GRK7: variants seen among roughly 807,000 people sequenced by gnomAD.
GRK7 encodes the protein rhodopsin kinase GRK7.
GRK7 carries 24 observed loss-of-function variants against 34.1 expected under a neutral mutation model. The observed-to-expected ratio is 0.70, with a 90% CI of 0.51 to 0.99. GRK7 has a LOEUF of 0.99. GRK7 is among the 50% of genes least tolerant of loss of function. GRK7 has a pLI of 0.00. For synonymous variants in GRK7, 256 were observed against 279.4 expected (o/e 0.92, Z 0.84); for missense variants, 644 against 707.3 (o/e 0.91, Z 1.02).
intron 5 of GRK7, among the ~76,000 whole-genome samples, chr3:141,812,975 G>A (rs1427012974): frequency 6.6e-6 from 1 of 152,130 alleles, no homozygotes; most frequent in African/African-American, 2.4e-5. Context: ...AGACATGCAG[G>A]TCTGGGGCTC....
intron 4 of GRK7, among the ~76,000 whole-genome samples, chr3:141,804,298 A>G (rs1162286696): frequency 6.6e-6 from 1 of 152,140 alleles, no homozygotes; most frequent in Non-Finnish European, 1.5e-5. Flanking sequence ...GCAAAGGAAA[A>G]GGGAGACTGG....
At chr3:141,755,241 A>C in the GRK7 span, among the ~76,000 whole-genome samples, 2 of 152,162 alleles carry the variant, frequency 1.3e-5, no homozygotes, top group African/African-American at 4.8e-5. Context: ...GGTGGCTTAC[A>C]CCTATAATCC....
At chr3:141,789,606 C>T (rs1347516616) in intron 4 of GRK7, among the ~76,000 whole-genome samples, 1 of 139,432 alleles carries the variant, frequency 7.2e-6, no homozygotes, top group African/African-American at 2.9e-5. Flanking sequence ...AGAATGTGTT[C>T]CCCACAGGAA....
the GRK7 span, among the ~76,000 whole-genome samples, chr3:141,753,160 C>A: frequency 4.3e-4 from 65 of 152,242 alleles, no homozygotes; most frequent in Non-Finnish European, 9.0e-4. Context: ...ACTTGCTTAA[C>A]ACTGTCTCAG....
At chr3:141,801,944 C>G (rs1710973354) in intron 4 of GRK7, among the ~76,000 whole-genome samples, 1 of 152,018 alleles carries the variant, frequency 6.6e-6, no homozygotes. Context: ...AAGTTTCCCC[C>G]TATGCCCCTC....
At chr3:141,792,967 G>T (rs768649180) in intron 4 of GRK7, among the ~76,000 whole-genome samples, 3 of 152,172 alleles carry the variant, frequency 2.0e-5, no homozygotes, top group African/African-American at 4.8e-5. Flanking sequence ...AGCCAATCAC[G>T]TGGAGGCTTC....
Position 141,764,551 on chromosome 3 carries a change from C to A in GRK7, c.-1402C>A, listed in dbSNP as rs2084570884. On this transcript the variant is annotated 5_prime_UTR_variant, in exon 1 of 6. Coordinates refer to ENST00000682958, the MANE Select transcript of GRK7 (RefSeq NM_139209.3). ...GATCCACATTCTGTCTCTCCTAATA[C>A]CCCACTGCCCTCACCTCCTCAAACT... is the stretch of plus-strand genomic sequence containing the variant. Among the ~76,000 whole-genome samples, 1 of 152,160 alleles carries A rather than the reference C, an allele frequency of 6.6e-6. No homozygotes were observed. Among genetic ancestry groups the A allele is most frequent in the Admixed American group, 6.5e-5 (1 of 15,274 alleles).
At chr3:141,812,443 A>C (rs1398403567) in intron 5 of GRK7, among the ~76,000 whole-genome samples, 1 of 152,234 alleles carries the variant, frequency 6.6e-6, no homozygotes. Flanking sequence ...TGCTAATGCA[A>C]AAGATCAAAG....
chr3:141,754,432 CTT>C, the GRK7 span, among the ~76,000 whole-genome samples: 41 of 119,540 alleles, frequency 3.4e-4, no homozygotes, highest in Admixed American at 6.2e-4. Context: ...TCACCACTGT[CTT>C]TTTTTTTTTT....
chr3:141,813,234 T>C (rs1711111936), intron 5 of GRK7, among the ~76,000 whole-genome samples: 1 of 152,184 alleles, frequency 6.6e-6, no homozygotes, highest in Non-Finnish European at 1.5e-5. Flanking sequence ...CAAGAAATTC[T>C]CCTCTCTCAG....
At chr3:141,750,992 A>G in the GRK7 span, among the ~76,000 whole-genome samples, 2 of 152,092 alleles carry the variant, frequency 1.3e-5, no homozygotes, top group South Asian at 2.1e-4. Flanking sequence ...TGTGATGGCC[A>G]TGCCTGTGAA....
intron 4 of GRK7, among the ~76,000 whole-genome samples, chr3:141,785,443 G>A (rs1053191097): frequency 2.0e-5 from 3 of 152,074 alleles, no homozygotes; most frequent in Admixed American, 2.0e-4. Context: ...TCAATAGTGC[G>A]AACCCCATCT....
chr3:141,766,523 T>C (rs1470849047), intron 1 of GRK7, among the ~76,000 whole-genome samples: 2 of 151,262 alleles, frequency 1.3e-5, no homozygotes, highest in African/African-American at 4.9e-5. Context: ...CGCCACCAAA[T>C]GTGAAAAAAA....
chr3:141,780,262 C>T, intron 3 of GRK7, 112 bp from the exon 4 acceptor site: 1 of 863,216 alleles, frequency 1.2e-6, no homozygotes, highest in Non-Finnish European at 1.8e-6. Flanking sequence ...TTTACAGCTA[C>T]TCCTTTCTCC....
intron 4 of GRK7, among the ~76,000 whole-genome samples, chr3:141,799,429 A>G (rs1165984409): frequency 6.6e-6 from 1 of 152,120 alleles, no homozygotes; most frequent in Non-Finnish European, 1.5e-5. Context: ...CCTAGCTAAC[A>G]TGGTGAAACC....
chr3:141,779,581 T>C (rs1487575221), intron 3 of GRK7, among the ~76,000 whole-genome samples: 4 of 152,186 alleles, frequency 2.6e-5, no homozygotes, highest in East Asian at 1.9e-4. Context: ...TTTTAAAATG[T>C]ACAATGCAGT....
At chr3:141,800,845 T>A (rs889298843) in intron 4 of GRK7, among the ~76,000 whole-genome samples, 12 of 152,330 alleles carry the variant, frequency 7.9e-5, no homozygotes, top group Admixed American at 2.6e-4. Context: ...ATGTTTTATA[T>A]CTTGTTTGGG....
chr3:141,760,902 T>C (rs2084552972), upstream of GRK7, among the ~76,000 whole-genome samples: 1 of 34,950 alleles, frequency 2.9e-5, no homozygotes, highest in South Asian at 1.2e-3. Flanking sequence ...TCTTTGTTGG[T>C]TTAAAGTCTG....
chr3:141,777,322 C>CTTTTTTTT lies in GRK7; in HGVS notation c.-113-837_-113-830dup, dbSNP rs770173065. 1.8e-3 allele frequency among the ~76,000 whole-genome samples: 96 copies of CTTTTTTTT among 52,874 alleles called. 17 individuals are homozygous for CTTTTTTTT. Among genetic ancestry groups the CTTTTTTTT allele is most frequent in the East Asian group, 6.7e-3 (14 of 2,078 alleles). The allele number at this position is 52,874 out of a possible 152,430, so 34.7% of individuals were successfully genotyped here. On this transcript the variant is annotated intron_variant, in intron 2 of 5. Transcript: ENST00000682958. Reference sequence around the variant, plus strand: ...TATGTTTTGGGTGGAGATGGCCCCTCTTTTTTTTTTTTTTTTTTTTGAGAC... The same window carrying CTTTTTTTT: ...TATGTTTTGGGTGGAGATGGCCCCTCTTTTTTTTTTTTTTTTTTTTTTTTTTTTGAGAC...
Sources: gnomAD v4.1 joint callset for allele counts (sites outside exome capture counted in the v4.1 genomes callset) on GRCh38, gnomAD v4.1.1 for gene constraint, MANE v1.5 for transcripts, NCBI Gene and HGNC (gene_info 2026-07-23, HGNC 2026-07-21) for gene names.